Variants in NKAIN2 observed in about 807,000 individuals in gnomAD.
The protein encoded by NKAIN2 is sodium/potassium transporting ATPase interacting 2, also known as sodium/potassium-transporting ATPase subunit beta-1-interacting protein 2.
A neutral mutation model predicts 32.6 loss-of-function variants in NKAIN2; 14 were observed. The observed-to-expected ratio is 0.43, with a 90% confidence interval of 0.28 to 0.67. NKAIN2 has a LOEUF of 0.67. Ranked by LOEUF, NKAIN2 falls within the 30% of genes least tolerant of loss-of-function variation. NKAIN2 has a pLI of 0.17. For synonymous variants in NKAIN2, 80 were observed against 87.2 expected, an observed-to-expected ratio of 0.92 and a Z score of 0.46; for missense variants, 198 against 258.3, an observed-to-expected ratio of 0.77 and a Z score of 1.60.
intron 1 of NKAIN2, among the ~76,000 whole-genome samples, chr6:123,819,878 G>A (rs1373338598): frequency 6.6e-6 from 1 of 152,156 alleles, no homozygotes; most frequent in Admixed American, 6.6e-5. Context: ...CACAAGTTAT[G>A]CTTGATTTTT....
chr6:124,476,467 C>T lies in NKAIN2; in HGVS notation c.273+121120C>T, dbSNP rs1259166380. Among the ~76,000 whole-genome samples, 25 of 149,038 alleles carry T rather than the reference C, an allele frequency of 1.7e-4. No individual in the cohort carries two copies. In the Admixed American group the frequency reaches 1.7e-3, roughly 10 times the overall value. ...TGAACATAAGAAAAAATATACTTTT[C>T]CAATTTTTGACAGGCATGTTTAAGG... On this transcript the variant is annotated intron_variant, in intron 3 of 6. Transcript: ENST00000368417.
chr6:124,501,229 C>T (rs1356076699), intron 3 of NKAIN2, among the ~76,000 whole-genome samples: 1 of 151,976 alleles, frequency 6.6e-6, no homozygotes, highest in Non-Finnish European at 1.5e-5. Context: ...TGATCACACT[C>T]CACTTCCATG....
intron 1 of NKAIN2, among the ~76,000 whole-genome samples, chr6:123,963,347 A>T (rs1215738832): frequency 2.0e-5 from 3 of 152,176 alleles, no homozygotes; most frequent in Admixed American, 1.3e-4. Flanking sequence ...TGTCTTTTTT[A>T]AATGAGTGAT....
At position 123,938,047 on chromosome 6, in the gene NKAIN2, C is replaced by T. The variant is rs1562266943; in HGVS notation, c.54+133793C>T. ...TCCTGATATGTTTGAGTTGCTGAAC[C>T]GCTGATAGCAGCCACCTACCTCCAT... On this transcript the variant is annotated intron_variant, in intron 1 of 6. Coordinates refer to ENST00000368417, the MANE Select transcript of NKAIN2 (RefSeq NM_001040214.3). Among the ~76,000 whole-genome samples, 3 of 81,134 alleles carry T rather than the reference C, an allele frequency of 3.7e-5. No individual in the cohort carries two copies. The East Asian group carries it at 1.6e-3, about 45-fold the overall frequency. The allele number at this position is 81,134 out of a possible 152,430, so 53.2% of individuals were successfully genotyped here.
chr6:124,008,594 G>C (rs1780185124), intron 1 of NKAIN2, among the ~76,000 whole-genome samples: 1 of 152,178 alleles, frequency 6.6e-6, no homozygotes, highest in Non-Finnish European at 1.5e-5. Flanking sequence ...GAGGCAGTAA[G>C]TTAAAATTAG....
intron 1 of NKAIN2, among the ~76,000 whole-genome samples, chr6:123,996,069 G>T (rs1779609935): frequency 6.6e-6 from 1 of 152,012 alleles, no homozygotes; most frequent in South Asian, 2.1e-4. Context: ...CTAAAAGCTT[G>T]TATCTTGACA....
intron 1 of NKAIN2, among the ~76,000 whole-genome samples, chr6:124,270,741 G>T (rs113068013): frequency 6.6e-6 from 1 of 152,224 alleles, no homozygotes; most frequent in East Asian, 1.9e-4. Context: ...TCCCTCATCT[G>T]CTTTTCCATG....
chr6:124,610,882 C>CA (rs1386074147), intron 3 of NKAIN2, among the ~76,000 whole-genome samples: 1 of 151,916 alleles, frequency 6.6e-6, no homozygotes, highest in African/African-American at 2.4e-5. Context: ...ATTTATAATT[C>CA]AAAAAATCTG....
chr6:123,847,430 T>G (rs1476593754), intron 1 of NKAIN2, among the ~76,000 whole-genome samples: 1 of 152,148 alleles, frequency 6.6e-6, no homozygotes, highest in Non-Finnish European at 1.5e-5. Context: ...CCAAGTGGCA[T>G]GTATCCCGGC....
At chr6:124,763,529 A>G (rs1398007218) in intron 4 of NKAIN2, among the ~76,000 whole-genome samples, 1 of 152,142 alleles carries the variant, frequency 6.6e-6, no homozygotes, top group Non-Finnish European at 1.5e-5. Context: ...CGAAGGGGGC[A>G]ATCTGCCCCC....
intron 1 of NKAIN2, among the ~76,000 whole-genome samples, chr6:124,060,648 T>A (rs1782880068): frequency 6.6e-6 from 1 of 152,186 alleles, no homozygotes; most frequent in African/African-American, 2.4e-5. Flanking sequence ...TTGCCTTGAA[T>A]AGTAGAGAAT....
At chr6:123,934,219 C>T (rs1211515455) in intron 1 of NKAIN2, among the ~76,000 whole-genome samples, 1 of 152,186 alleles carries the variant, frequency 6.6e-6, no homozygotes. Flanking sequence ...AATTTTATCA[C>T]ATTACTGTCT....
rs527722846 is a variant in NKAIN2, at chr6:124,737,217, G to T, written c.475-54122G>T. ...AGTTCTCATAATCCCCATGTGTCAT[G>T]GGAAGGATGCGGCGGGAGCTAATTG... is the stretch of plus-strand genomic sequence containing the variant. On this transcript the variant is annotated intron_variant, in intron 4 of 6. Coordinates refer to ENST00000368417, the MANE Select transcript of NKAIN2 (RefSeq NM_001040214.3). Among the ~76,000 whole-genome samples, 4 of 151,976 alleles carry T rather than the reference G, an allele frequency of 2.6e-5. No individual in the cohort carries two copies. In the East Asian group the frequency reaches 7.8e-4, roughly 30 times the overall value.
intron 1 of NKAIN2, among the ~76,000 whole-genome samples, chr6:124,063,216 G>A (rs1783002182): frequency 6.6e-6 from 1 of 151,602 alleles, no homozygotes; most frequent in Non-Finnish European, 1.5e-5. Context: ...TATCTATCTG[G>A]TATTATTCTC....
chr6:124,157,365 C>T lies in NKAIN2; in HGVS notation c.55-125640C>T, dbSNP rs187454636. On this transcript the variant is annotated intron_variant, in intron 1 of 6. Transcript: ENST00000368417. ...ATATTAAGGTTTTTTATGCTGCTTA[C>T]CAATTATTTTACTTTCCTTCTTTAT... Among the ~76,000 whole-genome samples the T allele has an allele frequency of 1.1e-3, 162 of 151,818 alleles. 1 individual carries two copies. Among genetic ancestry groups the T allele is most frequent in the African/African-American group, 3.5e-3 (144 of 41,422 alleles).
chr6:124,599,776 A>G (rs1377756974), intron 3 of NKAIN2, among the ~76,000 whole-genome samples: 3 of 152,164 alleles, frequency 2.0e-5, no homozygotes, highest in Non-Finnish European at 4.4e-5. Flanking sequence ...TGAATAGCAG[A>G]GCACATCTAC....
intron 3 of NKAIN2, among the ~76,000 whole-genome samples, chr6:124,373,972 TTTTTGTTGG>T (rs565071463): frequency 2.0e-5 from 3 of 152,028 alleles, no homozygotes; most frequent in South Asian, 4.1e-4. Flanking sequence ...TGTTCATTTG[TTTTTGTTGG>T]TTTTGTTGAA....
intron 1 of NKAIN2, 38 bp downstream of exon 1, chr6:123,804,292 C>CT (rs1773122424): frequency 6.4e-7 from 1 of 1,558,338 alleles, no homozygotes. Flanking sequence ...TGTAATGTGT[C>CT]TTTGAGATAG....
At chr6:124,435,767 T>C (rs1775414838) in intron 3 of NKAIN2, among the ~76,000 whole-genome samples, 2 of 152,200 alleles carry the variant, frequency 1.3e-5, no homozygotes, top group African/African-American at 4.8e-5. Context: ...CAAAGTGTTA[T>C]ATTTTTCTCA....
Sources: gnomAD v4.1 joint callset for allele counts (sites outside exome capture counted in the v4.1 genomes callset) on GRCh38, gnomAD v4.1.1 for gene constraint, MANE v1.5 for transcripts, NCBI Gene and HGNC (gene_info 2026-07-23, HGNC 2026-07-21) for gene names.